The following TMEM178B variants were observed in gnomAD, a reference collection of about 807,000 sequenced individuals.
TMEM178B encodes the protein transmembrane protein 178B.
TMEM178B carries 5 observed loss-of-function variants against 31.0 expected under a neutral mutation model. The observed-to-expected ratio is 0.16, with a 90% CI of 0.08 to 0.34. The LOEUF is 0.34. TMEM178B is among the 10% of genes least tolerant of loss of function. TMEM178B has a pLI of 1.00. For missense variants in TMEM178B, 275 were observed against 400.3 expected, an observed-to-expected ratio of 0.69 and a Z score of 2.67; for synonymous variants, 164 against 164.0, an observed-to-expected ratio of 1.00 and a Z score of 0.00.
At chr7:141,139,391 G>C (rs980516941) in intron 1 of TMEM178B, among the ~76,000 whole-genome samples, 1 of 151,558 alleles carries the variant, frequency 6.6e-6, no homozygotes, top group Non-Finnish European at 1.5e-5. Context: ...TCGCTGTTTT[G>C]CCCAAGCTGG....
chr7:141,254,759 G>C (rs985368166), intron 2 of TMEM178B, among the ~76,000 whole-genome samples: 13 of 152,152 alleles, frequency 8.5e-5, no homozygotes, highest in Non-Finnish European at 1.5e-4. Context: ...TTTACTGCAA[G>C]TAGAATTCAA....
rs149832636 is a variant in TMEM178B, at chr7:141,362,350, A to G, written c.497-75258A>G. 2.9e-3 allele frequency among the ~76,000 whole-genome samples: 447 copies of G among 152,318 alleles called. 2 individuals carry two copies. The highest frequency in any genetic ancestry group is 0.01 in the African/African-American group (422 of 41,574). ...AACATATGGCACCATAGTCATGACAAAGTGGACCTGTTTTGGCTTTGAAGT... is the reference window on the plus strand; with the variant it reads ...AACATATGGCACCATAGTCATGACAGAGTGGACCTGTTTTGGCTTTGAAGT... On this transcript the variant is annotated intron_variant, in intron 2 of 3. Coordinates refer to ENST00000565468, the MANE Select transcript of TMEM178B (RefSeq NM_001195278.2).
intron 1 of TMEM178B, among the ~76,000 whole-genome samples, chr7:141,083,796 C>T (rs887310723): frequency 9.2e-5 from 14 of 152,036 alleles, no homozygotes; most frequent in Non-Finnish European, 2.1e-4. Flanking sequence ...AAAAAAAATA[C>T]ATTTAAACAC....
At chr7:141,238,041 A>AAG (rs1554466510) in intron 2 of TMEM178B, among the ~76,000 whole-genome samples, 13 of 143,908 alleles carry the variant, frequency 9.0e-5, no homozygotes, top group Admixed American at 2.1e-4. Flanking sequence ...AAAAAAAAAA[A>AAG]GGAAATTAAG....
At chr7:141,387,675 G>A (rs770682384) in intron 2 of TMEM178B, among the ~76,000 whole-genome samples, 14 of 152,058 alleles carry the variant, frequency 9.2e-5, no homozygotes, top group Admixed American at 3.3e-4. Context: ...TCGTATCTGC[G>A]CACCCCCGTT....
At chr7:141,126,233 A>G (rs1795492802) in intron 1 of TMEM178B, among the ~76,000 whole-genome samples, 1 of 152,188 alleles carries the variant, frequency 6.6e-6, no homozygotes, top group African/African-American at 2.4e-5. Flanking sequence ...TGGGAAGAAC[A>G]TTCTAAGCTG....
intron 1 of TMEM178B, among the ~76,000 whole-genome samples, chr7:141,091,122 A>G (rs1794873672): frequency 6.6e-6 from 1 of 152,190 alleles, no homozygotes. Flanking sequence ...TTAGGAGTTA[A>G]TTATGCTAGG....
intron 3 of TMEM178B, among the ~76,000 whole-genome samples, chr7:141,451,220 C>T (rs566272261): frequency 6.6e-6 from 1 of 152,324 alleles, no homozygotes; most frequent in Non-Finnish European, 1.5e-5. Flanking sequence ...CAACCCTGGG[C>T]AGATTTCTCC....
intron 3 of TMEM178B, among the ~76,000 whole-genome samples, chr7:141,458,625 T>A (rs1362340707): frequency 6.6e-6 from 1 of 152,192 alleles, no homozygotes; most frequent in Non-Finnish European, 1.5e-5. Flanking sequence ...GAAACATTTT[T>A]TTTTTGTCCT....
chr7:141,232,995 T>A (rs1324680476), intron 2 of TMEM178B, among the ~76,000 whole-genome samples: 1 of 152,162 alleles, frequency 6.6e-6, no homozygotes, highest in Non-Finnish European at 1.5e-5. Flanking sequence ...TGCCACTCCC[T>A]TAGGTGGAAA....
intron 1 of TMEM178B, among the ~76,000 whole-genome samples, chr7:141,181,455 C>G (rs1354569247): frequency 2.0e-5 from 3 of 152,022 alleles, no homozygotes; most frequent in African/African-American, 4.8e-5. Context: ...CCAGTCGATT[C>G]TGAAAAGGCT....
intron 3 of TMEM178B, among the ~76,000 whole-genome samples, chr7:141,447,657 C>A (rs1801785060): frequency 6.6e-6 from 1 of 152,120 alleles, no homozygotes; most frequent in Admixed American, 6.5e-5. Context: ...GTCAGCCTCT[C>A]TACCACCTGC....
chr7:141,219,558 G>A (rs962414044), intron 2 of TMEM178B, among the ~76,000 whole-genome samples: 1 of 152,122 alleles, frequency 6.6e-6, no homozygotes, highest in Non-Finnish European at 1.5e-5. Flanking sequence ...AGCCAACAGC[G>A]TGTCATCATA....
At position 141,344,422 on chromosome 7, in the gene TMEM178B, C is replaced by G. The variant is rs537675730; in HGVS notation, c.497-93186C>G. Among the ~76,000 whole-genome samples the G allele has an allele frequency of 4.6e-5, 7 of 152,354 alleles. No homozygotes were observed. Among genetic ancestry groups the G allele is most frequent in the Middle Eastern group, 3.4e-3 (1 of 294 alleles). On this transcript the variant is annotated intron_variant, in intron 2 of 3. Coordinates refer to ENST00000565468, the MANE Select transcript of TMEM178B (RefSeq NM_001195278.2). The surrounding 1 kb of genome is among the most constrained non-coding windows in gnomAD (Gnocchi z 4.1). Reference sequence around the variant, plus strand: ...TCAGATGACATTTGAAGGGATCCAACTAATGTTGAGTTCTGCTTTATAATG... The same window carrying G: ...TCAGATGACATTTGAAGGGATCCAAGTAATGTTGAGTTCTGCTTTATAATG...
At chr7:141,294,950 G>A (rs977100844) in intron 2 of TMEM178B, among the ~76,000 whole-genome samples, 1 of 152,126 alleles carries the variant, frequency 6.6e-6, no homozygotes, top group African/African-American at 2.4e-5. Flanking sequence ...TTTTCAATCT[G>A]ATATGATTTG....
intron 1 of TMEM178B, among the ~76,000 whole-genome samples, chr7:141,180,134 C>T (rs1796497282): frequency 6.6e-6 from 1 of 152,018 alleles, no homozygotes. Flanking sequence ...ATCGATATGT[C>T]AAAATGGTAG....
At chr7:141,205,131 C>T (rs921870746) in intron 1 of TMEM178B, among the ~76,000 whole-genome samples, 6 of 152,134 alleles carry the variant, frequency 3.9e-5, no homozygotes, top group South Asian at 4.1e-4. Flanking sequence ...CGACTGATTT[C>T]GATAAACTCT....
At chr7:141,274,602 A>G (rs1377381790) in intron 2 of TMEM178B, among the ~76,000 whole-genome samples, 1 of 152,174 alleles carries the variant, frequency 6.6e-6, no homozygotes, top group Non-Finnish European at 1.5e-5. Context: ...TTCCACAGGT[A>G]TGGCAACCCA....
chr7:141,368,049 TAGC>T (rs1281359834), intron 2 of TMEM178B, among the ~76,000 whole-genome samples: 3 of 152,162 alleles, frequency 2.0e-5, no homozygotes, highest in Non-Finnish European at 2.9e-5. Context: ...CCAGGCACAG[TAGC>T]TCACGCCTGT....
Sources: allele counts gnomAD v4.1 joint callset (sites outside exome capture counted in the v4.1 genomes callset), GRCh38; gene constraint gnomAD v4.1.1; non-coding constraint Gnocchi (gnomAD v3.1); transcripts MANE v1.5; gene names NCBI Gene and HGNC (gene_info 2026-07-23, HGNC 2026-07-21).